Variants in RNF24 observed in about 807,000 individuals in gnomAD.
RNF24 encodes the protein ring finger protein 24.
Under a neutral mutation model 20.0 loss-of-function variants are expected in RNF24, and 14 were observed. The observed-to-expected ratio is 0.70, with a 90% CI of 0.46 to 1.10. The LOEUF (loss-of-function observed/expected upper bound fraction) is 1.10. Ranked by LOEUF, RNF24 falls within the 50% of genes least tolerant of loss-of-function variation. The probability of loss-of-function intolerance (pLI) is 0.00; values close to 1 mark genes in which losing one functional copy is unlikely to be tolerated. For synonymous variants in RNF24, 45 were observed against 61.1 expected, an observed-to-expected ratio of 0.74 and a Z score of 1.23; for missense variants, 124 against 177.6, an observed-to-expected ratio of 0.70 and a Z score of 1.71.
intron 1 of RNF24, chr20:3,974,417 G>C (rs1316582871): frequency 6.5e-7 from 1 of 1,534,082 alleles, no homozygotes; most frequent in South Asian, 1.2e-5. Context: ...AGTGCAATAA[G>C]GTAGAAAAGG....
At chr20:3,984,099 G>T (rs370299051) in intron 1 of RNF24, among the ~76,000 whole-genome samples, 6 of 151,988 alleles carry the variant, frequency 3.9e-5, no homozygotes, top group African/African-American at 1.4e-4. Context: ...GCAAGGTGGG[G>T]TACACCTGTA....
At chr20:3,964,158 C>A (rs760556029) in intron 1 of RNF24, 134 bp from the exon 2 acceptor site, 2 of 646,296 alleles carry the variant, frequency 3.1e-6, no homozygotes, top group Non-Finnish European at 4.9e-6. Context: ...AATATTCTTG[C>A]CATTCATTCA....
At position 3,954,082 on chromosome 20, in the gene RNF24, T is replaced by C. The variant is rs527700772; in HGVS notation, c.144-5803A>G. Among the ~76,000 whole-genome samples the C allele has an allele frequency of 5.3e-5, 8 of 152,222 alleles. No homozygotes were observed. The South Asian group carries it at 1.7e-3, about 32-fold the overall frequency. On this transcript the variant is annotated intron_variant, in intron 2 of 5. Coordinates refer to ENST00000358395, the MANE Select transcript of RNF24 (RefSeq NM_001134337.3). ...CGGTTTTTTCTTTTTAAAAATTTCA[T>C]TCTTTTATTTTTACTCACATTACAA... is the stretch of plus-strand genomic sequence containing the variant.
At chr20:3,939,873 G>A (rs1310254238) in intron 4 of RNF24, among the ~76,000 whole-genome samples, 2 of 152,008 alleles carry the variant, frequency 1.3e-5, no homozygotes, top group African/African-American at 2.4e-5. Context: ...TCTTTTCAAC[G>A]TTTTATAGTT....
rs945062748 is a variant in RNF24 at position 3,976,441 on chromosome 20, T to G, written c.-7-12417A>C. 4.9e-4 allele frequency among the ~76,000 whole-genome samples: 75 copies of G among 152,312 alleles called. 1 individual carries two copies. The highest frequency in any genetic ancestry group is 2.4e-4 in the Non-Finnish European group (16 of 68,022). ...TCTTGTTGGTGGGAATATAATATGG[T>G]ATAGCCACTCTGGAAAATAGTTTGT... On this transcript the variant is annotated intron_variant, in intron 1 of 5. Coordinates refer to ENST00000358395, the MANE Select transcript of RNF24 (RefSeq NM_001134337.3).
chr20:3,974,396 A>T, intron 1 of RNF24: 1 of 1,547,812 alleles, frequency 6.5e-7, no homozygotes. Flanking sequence ...ATAGTGCTGG[A>T]AGTTCTAGCC....
chr20:4,012,250 T>C (rs538856847), intron 1 of RNF24, among the ~76,000 whole-genome samples: 1 of 151,812 alleles, frequency 6.6e-6, no homozygotes, highest in Non-Finnish European at 1.5e-5. Flanking sequence ...CCGTCTCTAC[T>C]AAAAATACAA....
At chr20:3,993,169 T>C (rs911959549) in intron 1 of RNF24, among the ~76,000 whole-genome samples, 1 of 152,216 alleles carries the variant, frequency 6.6e-6, no homozygotes, top group Admixed American at 6.5e-5. Context: ...TTAATCCTTA[T>C]AATCACTATG....
chr20:3,941,890 A>G (rs1465989116), intron 4 of RNF24, among the ~76,000 whole-genome samples: 3 of 152,202 alleles, frequency 2.0e-5, no homozygotes, highest in South Asian at 2.1e-4. Context: ...CCTGGCTAAC[A>G]TGGTGAAACC....
At chr20:3,936,913 C>T (rs552022057) in intron 4 of RNF24, among the ~76,000 whole-genome samples, 3 of 152,126 alleles carry the variant, frequency 2.0e-5, no homozygotes, top group East Asian at 1.9e-4. Flanking sequence ...CTCAGCTCAC[C>T]GCAACCTCCG....
chr20:3,946,114 G>A (rs2091013151), intron 3 of RNF24, among the ~76,000 whole-genome samples: 1 of 152,128 alleles, frequency 6.6e-6, no homozygotes, highest in African/African-American at 2.4e-5. Context: ...TTAAATGACT[G>A]CAAAGGCCAA....
chr20:3,929,626 C>G lies in RNF24; in HGVS notation c.*4437G>C, dbSNP rs1445310186. The stretch of plus-strand genomic sequence containing the variant: ...CATCACCACTGGTCCTCACTTGGAA[C>G]TGGCCAAGGTAGGGGAGGGGCCAGC... On this transcript the variant is annotated 3_prime_UTR_variant, in exon 6 of 6. Transcript: ENST00000358395. 5 of 152,474 alleles carry G rather than the reference C, an allele frequency of 3.3e-5. No homozygotes were observed. The highest frequency in any genetic ancestry group is 7.3e-5 in the Non-Finnish European group (5 of 68,216). The allele number at this position is 152,474 out of a possible 1,614,324, so 9.4% of individuals were successfully genotyped here.
In RNF24 at chr20:3,933,976, T is replaced by G. The variant is rs1600615017; in HGVS notation, c.*87A>C. On this transcript the variant is annotated 3_prime_UTR_variant, in exon 6 of 6. Coordinates refer to ENST00000358395, the MANE Select transcript of RNF24 (RefSeq NM_001134337.3). ...AAGAAGTGGCAGCTGGTGTCCTAGG[T>G]AGAGAGCAGCCATACAGACACCACA... The G allele has an allele frequency of 7.9e-7, 1 of 1,270,872 alleles. No homozygotes were observed. The allele number at this position is 1,270,872 out of a possible 1,614,324, so 78.7% of individuals were successfully genotyped here.
At chr20:3,983,868 G>A (rs1979640474) in intron 1 of RNF24, among the ~76,000 whole-genome samples, 1 of 147,284 alleles carries the variant, frequency 6.8e-6, no homozygotes, top group South Asian at 2.1e-4. Context: ...TTGAACCCAG[G>A]AGGTGGAGGC....
intron 1 of RNF24, among the ~76,000 whole-genome samples, chr20:3,968,839 A>G (rs1313596052): frequency 6.6e-6 from 1 of 152,162 alleles, no homozygotes; most frequent in Non-Finnish European, 1.5e-5. Context: ...TAAAAATAAG[A>G]CCTATATTTG....
intron 1 of RNF24, among the ~76,000 whole-genome samples, chr20:3,968,174 G>A (rs562645548): frequency 8.2e-4 from 125 of 151,908 alleles, no homozygotes; most frequent in African/African-American, 1.4e-3. Flanking sequence ...GCCTGGTGGC[G>A]TGCGCCTGTA....
intron 4 of RNF24, among the ~76,000 whole-genome samples, chr20:3,939,268 C>T (rs973103624): frequency 1.2e-4 from 18 of 152,188 alleles, no homozygotes; most frequent in Non-Finnish European, 2.4e-4. Context: ...GCTGGGATTA[C>T]AGGCATGTGT....
At chr20:3,958,799 G>A (rs562970166) in intron 2 of RNF24, among the ~76,000 whole-genome samples, 22 of 152,082 alleles carry the variant, frequency 1.4e-4, no homozygotes, top group Admixed American at 3.3e-4. Flanking sequence ...GTGACACCAC[G>A]CCTGGTTAAT....
At chr20:3,973,516 A>G (rs1978572109) in intron 1 of RNF24, among the ~76,000 whole-genome samples, 1 of 150,680 alleles carries the variant, frequency 6.6e-6, no homozygotes, top group South Asian at 2.1e-4. Flanking sequence ...AAAAAAAAAA[A>G]AAAAAAAAAG....
Sources: gnomAD v4.1 joint callset for allele counts (sites outside exome capture counted in the v4.1 genomes callset) on GRCh38, gnomAD v4.1.1 for gene constraint, MANE v1.5 for transcripts, NCBI Gene and HGNC (gene_info 2026-07-23, HGNC 2026-07-21) for gene names.